The following USP43 variants were observed in gnomAD, a reference collection of about 807,000 sequenced individuals.
USP43 encodes ubiquitin carboxyl-terminal hydrolase 43.
A neutral mutation model predicts 90.7 loss-of-function variants in USP43; 33 were observed. That is an observed-to-expected ratio of 0.36 (90% confidence interval 0.28 to 0.49). The LOEUF is 0.49. Among genes scored for constraint, USP43 ranks in the 20% least tolerant of loss-of-function variants. The pLI, the probability that USP43 is intolerant of heterozygous loss-of-function variation, is 0.98. For missense variants in USP43, 1,274 were observed against 1,476.4 expected, an observed-to-expected ratio of 0.86 and a Z score of 2.25; for synonymous variants, 598 against 615.8, an observed-to-expected ratio of 0.97 and a Z score of 0.43.
At chr17:9,708,313 T>C (rs1387215929) in intron 12 of USP43, among the ~76,000 whole-genome samples, 1 of 152,148 alleles carries the variant, frequency 6.6e-6, no homozygotes, top group Non-Finnish European at 1.5e-5. Context: ...CATAATCTAG[T>C]GTACAAATCA....
At chr17:9,683,961 C>T (rs1264320619) in intron 7 of USP43, among the ~76,000 whole-genome samples, 1 of 151,948 alleles carries the variant, frequency 6.6e-6, no homozygotes, top group African/African-American at 2.4e-5. Flanking sequence ...CACGGTGAAA[C>T]CCCATCTCTA....
intron 14 of USP43, among the ~76,000 whole-genome samples, chr17:9,721,379 C>T (rs1916946046): frequency 1.3e-5 from 2 of 152,162 alleles, no homozygotes; most frequent in Admixed American, 6.5e-5. Context: ...TCAACTCTTT[C>T]AGATTATTTT....
chr17:9,683,084 T>C, intron 7 of USP43, 126 bp downstream of exon 7: 1 of 1,265,318 alleles, frequency 7.9e-7, no homozygotes, highest in Non-Finnish European at 1.1e-6. Context: ...AGAAGTAGGG[T>C]CCTTTCTGAT....
intron 2 of USP43, among the ~76,000 whole-genome samples, chr17:9,659,025 G>C (rs1912454389): frequency 6.6e-6 from 1 of 152,166 alleles, no homozygotes; most frequent in Non-Finnish European, 1.5e-5. Flanking sequence ...TTCTAATTGG[G>C]TGCAGCTGGG....
intron 5 of USP43, 47 bp downstream of exon 5, chr17:9,676,928 T>C: frequency 6.3e-7 from 1 of 1,594,412 alleles, no homozygotes; most frequent in Non-Finnish European, 8.6e-7. Flanking sequence ...GATAGAATGC[T>C]AACTGAGCCA....
chr17:9,648,595 C>G (rs1465969606), intron 1 of USP43, among the ~76,000 whole-genome samples: 1 of 152,076 alleles, frequency 6.6e-6, no homozygotes, highest in Non-Finnish European at 1.5e-5. Flanking sequence ...GGGAAAGCTT[C>G]CCTGGAGAGG....
In USP43 at chr17:9,702,118, T is replaced by C. The variant is rs1915610488; in HGVS notation, c.2011+418T>C. Among the ~76,000 whole-genome samples the C allele has an allele frequency of 2.0e-5, 3 of 151,930 alleles. No individual in the cohort carries two copies. In the South Asian group the frequency reaches 6.2e-4, roughly 32 times the overall value. ...GCTCATGCCTGTAATCCCAGCACTTTGGGAGGCTGAGGTGGAAGAATCACT... is the reference window on the plus strand; with the variant it reads ...GCTCATGCCTGTAATCCCAGCACTTCGGGAGGCTGAGGTGGAAGAATCACT... On this transcript the variant is annotated intron_variant, in intron 12 of 14. Transcript: ENST00000285199.
intron 6 of USP43, among the ~76,000 whole-genome samples, chr17:9,681,462 T>TTATATATA (rs1184883523): frequency 0.03 from 532 of 17,940 alleles, 20 homozygotes; most frequent in Middle Eastern, 0.045. Context: ...ATAAAATATA[T>TTATATATA]TATATATATA....
chr17:9,668,157 A>G (rs1013362710), intron 3 of USP43, among the ~76,000 whole-genome samples: 1 of 152,194 alleles, frequency 6.6e-6, no homozygotes, highest in Admixed American at 6.5e-5. Context: ...GCACTAAATC[A>G]TTTCGAAGCC....
chr17:9,718,330 C>G (rs927673478), intron 14 of USP43, among the ~76,000 whole-genome samples: 1 of 152,140 alleles, frequency 6.6e-6, no homozygotes, highest in Admixed American at 6.6e-5. Flanking sequence ...GTACCAGACT[C>G]TGGTTACATA....
Position 9,728,120 on chromosome 17 carries a change from G to A in USP43, c.2502G>A (p.Glu834=), listed in dbSNP as rs369328413. The change falls in exon 15 of 15, where the codon GAG becomes GAA. Residue 834 remains glutamate, a synonymous_variant. Transcript: ENST00000285199. This position sits in a 1 kb window ranked among gnomAD's most constrained non-coding sequence, Gnocchi z 6.2. The part of the protein sequence containing the change: ...KPPGASVELV[E]YLESRRRPRS... Reference sequence around the variant, plus strand: ...CAGGTGCCTCCGTCGAGTTGGTGGAGTACTTGGAATCCAGACGAAGACCTC... The same window carrying A: ...CAGGTGCCTCCGTCGAGTTGGTGGAATACTTGGAATCCAGACGAAGACCTC... 34 of 1,613,806 alleles carry A rather than the reference G, an allele frequency of 2.1e-5. No homozygotes were observed. In the Admixed American group the frequency reaches 5.7e-4, roughly 27 times the overall value.
chr17:9,723,501 TTTTCCCTTCCCTTCC>T (rs1917069241), intron 14 of USP43, among the ~76,000 whole-genome samples: 1 of 147,914 alleles, frequency 6.8e-6, no homozygotes, highest in Non-Finnish European at 1.5e-5. Flanking sequence ...TGCTCTTCTC[TTTTCCCTTCCCTTCC>T]TTTCCCTTCC....
At chr17:9,664,661 G>A (rs866319562) in intron 2 of USP43, among the ~76,000 whole-genome samples, 109 of 144,330 alleles carry the variant, frequency 7.6e-4, no homozygotes, top group African/African-American at 2.5e-3. Flanking sequence ...TTTTTGAGAC[G>A]GAGTCTCGCT....
At chr17:9,656,284 T>G in intron 1 of USP43, 119 bp from the exon 2 acceptor site, 1 of 1,313,484 alleles carries the variant, frequency 7.6e-7, no homozygotes, top group Non-Finnish European at 1.0e-6. Context: ...GCTGTTTGTG[T>G]GCTGTCATCC....
intron 9 of USP43, among the ~76,000 whole-genome samples, chr17:9,696,026 T>C (rs1685106925): frequency 6.6e-6 from 1 of 152,180 alleles, no homozygotes; most frequent in Non-Finnish European, 1.5e-5. Context: ...TAGAATTTTT[T>C]TTGTCTGCTT....
In USP43 at chr17:9,700,382, C is replaced by A. The variant is rs1915501939; in HGVS notation, c.1535+133C>A. The A allele has an allele frequency of 1.6e-5, 12 of 746,784 alleles. No individual in the cohort carries two copies. In the Admixed American group the frequency reaches 3.5e-4, roughly 22 times the overall value. The allele number at this position is 746,784 out of a possible 1,614,324, so 46.3% of individuals were successfully genotyped here. On this transcript the variant is annotated intron_variant, in intron 10 of 14. Transcript: ENST00000285199. ...ATCTTTGAGCCAGTGTAACCCGTTCCTGTGAGATGCCTGAGTGAGAATTTT... is the reference window on the plus strand; with the variant it reads ...ATCTTTGAGCCAGTGTAACCCGTTCATGTGAGATGCCTGAGTGAGAATTTT...
Position 9,717,041 on chromosome 17 carries a change from CAGGAGAATCACTTGAACCCAGGA to C in USP43, c.2335+4933_2335+4955del, listed in dbSNP as rs574655572. On this transcript the variant is annotated intron_variant, in intron 14 of 14. Coordinates refer to ENST00000285199, the MANE Select transcript of USP43 (RefSeq NM_153210.5). ...ATCTGAGCTACTCAGGAGGCTGAGGCAGGAGAATCACTTGAACCCAGGAAGGAGAATCACTTGAACCCAGGAGG... is the reference window on the plus strand; with the variant it reads ...ATCTGAGCTACTCAGGAGGCTGAGGCAGGAGAATCACTTGAACCCAGGAGG... 1.1e-3 allele frequency among the ~76,000 whole-genome samples: 161 copies of C among 151,370 alleles called. 2 individuals carry two copies. The highest frequency in any genetic ancestry group is 3.8e-3 in the African/African-American group (157 of 41,240).
intron 14 of USP43, among the ~76,000 whole-genome samples, chr17:9,719,936 A>C (rs893240345): frequency 2.0e-5 from 3 of 152,094 alleles, no homozygotes; most frequent in African/African-American, 7.2e-5. Context: ...GCATGATGGC[A>C]CATGACTGCG....
intron 8 of USP43, among the ~76,000 whole-genome samples, chr17:9,690,397 C>A (rs922691364): frequency 2.0e-5 from 3 of 152,002 alleles, no homozygotes; most frequent in Admixed American, 6.6e-5. Context: ...TGAATGAAGA[C>A]CCCGTTGATT....
Sources: gnomAD v4.1 joint callset for allele counts (sites outside exome capture counted in the v4.1 genomes callset) on GRCh38, gnomAD v4.1.1 for gene constraint, Gnocchi (gnomAD v3.1) non-coding constraint, MANE v1.5 for transcripts, NCBI Gene and HGNC (gene_info 2026-07-23, HGNC 2026-07-21) for gene names.